DOCK4: variants seen among roughly 807,000 people sequenced by gnomAD.
DOCK4 encodes dedicator of cytokinesis 4, also known as dedicator of cytokinesis protein 4.
DOCK4 carries 97 observed loss-of-function variants against 268.1 expected under a neutral mutation model. That is an observed-to-expected ratio of 0.36 (90% CI 0.31 to 0.43). DOCK4 has a LOEUF of 0.43. Among genes scored for constraint, DOCK4 ranks in the 20% least tolerant of loss-of-function variants. The probability of loss-of-function intolerance (pLI) is 1.00; values close to 1 mark genes in which losing one functional copy is unlikely to be tolerated. For synonymous variants in DOCK4, 954 were observed against 887.2 expected, an observed-to-expected ratio of 1.08 and a Z score of -1.34; for missense variants, 2,145 against 2,455.7, an observed-to-expected ratio of 0.87 and a Z score of 2.67.
At chr7:112,102,407 T>C (rs1004696222) in intron 1 of DOCK4, among the ~76,000 whole-genome samples, 1 of 152,216 alleles carries the variant, frequency 6.6e-6, no homozygotes, top group African/African-American at 2.4e-5. Flanking sequence ...TTTCTAGTTG[T>C]GTGGCCTTGG....
Position 111,849,262 on chromosome 7 carries a change from CTT to C in DOCK4, c.2474-2138_2474-2137del, listed in dbSNP as rs200312873. On this transcript the variant is annotated intron_variant, in intron 23 of 52. Coordinates refer to ENST00000428084, the MANE Select transcript of DOCK4 (RefSeq NM_001363540.2). ...TGAACTATCTTTTTCTTCCTAGTTA[CTT>C]TTTTTTTTTTTTTTTTGAGACGGAG... Among the ~76,000 whole-genome samples, 87 of 133,324 alleles carry C rather than the reference CTT, an allele frequency of 6.5e-4. No homozygotes were observed. The East Asian group carries it at 8.8e-3, about 13-fold the overall frequency. The allele number at this position is 133,324 out of a possible 152,430, so 87.5% of individuals were successfully genotyped here.
At chr7:112,123,486 G>A (rs1204670933) in intron 1 of DOCK4, among the ~76,000 whole-genome samples, 2 of 152,094 alleles carry the variant, frequency 1.3e-5, no homozygotes, top group Non-Finnish European at 2.9e-5. Context: ...TTGACTCAAA[G>A]TCAAAATAAA....
At chr7:112,089,202 T>C (rs1006064921) in intron 1 of DOCK4, among the ~76,000 whole-genome samples, 3 of 152,178 alleles carry the variant, frequency 2.0e-5, no homozygotes, top group Admixed American at 2.0e-4. Flanking sequence ...TCATTTTTAT[T>C]GGCCAGGGAT....
chr7:112,057,766 C>A (rs552795959), intron 1 of DOCK4, among the ~76,000 whole-genome samples: 1 of 151,538 alleles, frequency 6.6e-6, no homozygotes, highest in East Asian at 1.9e-4. Flanking sequence ...CAGAGCAAGA[C>A]CCTGTCTTTA....
intron 1 of DOCK4, among the ~76,000 whole-genome samples, chr7:112,168,347 A>C (rs1164712652): frequency 6.6e-6 from 1 of 152,176 alleles, no homozygotes; most frequent in East Asian, 1.9e-4. Context: ...TGCTGTTTGG[A>C]GCTATGTAAA....
At chr7:111,995,269 G>A (rs1799846473) in intron 4 of DOCK4, among the ~76,000 whole-genome samples, 2 of 152,140 alleles carry the variant, frequency 1.3e-5, no homozygotes, top group South Asian at 4.2e-4. Context: ...CTGACCTTGT[G>A]ATCTGCCTGC....
At chr7:112,112,875 T>C (rs1811790356) in intron 1 of DOCK4, among the ~76,000 whole-genome samples, 1 of 152,130 alleles carries the variant, frequency 6.6e-6, no homozygotes, top group Non-Finnish European at 1.5e-5. Flanking sequence ...AAAAATTGCA[T>C]ATTCTATTCC....
rs1794824585 is a variant in DOCK4, at chr7:111,728,526, G to T, written c.5676C>A (p.Pro1892=). ...GCTCCTCCCCGCCGTAGCTCGGCAC[G>T]GGCACCGGCACTGGCACCGGCAGGG... ...SAPLPVPVPV[P]VPSYGGEEPV... Residue 1892 remains proline, a synonymous_variant, in exon 53 of 53, where the codon CCC becomes CCA. Coordinates refer to ENST00000428084, the MANE Select transcript of DOCK4 (RefSeq NM_001363540.2). 6.2e-7 allele frequency: 1 copy of T among 1,613,452 alleles called. No individual in the cohort carries two copies. Among genetic ancestry groups the T allele is most frequent in the Non-Finnish European group, 8.5e-7 (1 of 1,179,844 alleles).
At chr7:111,750,729 T>A (rs1406880823) in intron 42 of DOCK4, among the ~76,000 whole-genome samples, 1 of 152,218 alleles carries the variant, frequency 6.6e-6, no homozygotes, top group Non-Finnish European at 1.5e-5. Flanking sequence ...AGATCCTGTG[T>A]GTTAGCTCAG....
Position 111,961,155 on chromosome 7 carries a change from T to A in DOCK4, c.702-15357A>T, listed in dbSNP as rs148292805. Reference sequence around the variant, plus strand: ...CTCTGTCCTCTCTTTTGCTCTCCAATGGCAGCTGATCTTGTTTCCCCCTTT... The same window carrying A: ...CTCTGTCCTCTCTTTTGCTCTCCAAAGGCAGCTGATCTTGTTTCCCCCTTT... On this transcript the variant is annotated intron_variant, in intron 8 of 52. Transcript: ENST00000428084. Among the ~76,000 whole-genome samples, 22 of 152,288 alleles carry A rather than the reference T, an allele frequency of 1.4e-4. No homozygotes were observed. The East Asian group carries it at 3.5e-3, about 24-fold the overall frequency.
At chr7:111,738,737 A>T (rs779920177) in intron 49 of DOCK4, among the ~76,000 whole-genome samples, 1 of 152,180 alleles carries the variant, frequency 6.6e-6, no homozygotes, top group South Asian at 2.1e-4. Context: ...CAGGAGTTCG[A>T]GACCAGCCTG....
intron 1 of DOCK4, among the ~76,000 whole-genome samples, chr7:112,167,009 A>G (rs181204500): frequency 2.0e-5 from 3 of 152,226 alleles, no homozygotes; most frequent in Admixed American, 6.5e-5. Flanking sequence ...TAGTGAAGGA[A>G]AAGTAAGATA....
intron 36 of DOCK4, among the ~76,000 whole-genome samples, chr7:111,775,875 T>A (rs1798411126): frequency 6.6e-6 from 1 of 151,986 alleles, no homozygotes; most frequent in Admixed American, 6.6e-5. Context: ...GGATCAAGCC[T>A]TGGCTATATA....
At chr7:111,767,201 C>A in intron 37 of DOCK4, 83 bp from the exon 38 acceptor site, 63 of 963,958 alleles carry the variant, frequency 6.5e-5, no homozygotes, top group Middle Eastern at 2.2e-4. Flanking sequence ...TGAGTGCTTT[C>A]AGAGCACCAA....
At chr7:111,923,409 C>T (rs1394583146) in intron 12 of DOCK4, among the ~76,000 whole-genome samples, 1 of 152,190 alleles carries the variant, frequency 6.6e-6, no homozygotes, top group African/African-American at 2.4e-5. Flanking sequence ...ATTCTGACCT[C>T]TGTAACTGCT....
intron 15 of DOCK4, among the ~76,000 whole-genome samples, chr7:111,899,778 C>T (rs1031694784): frequency 6.6e-6 from 1 of 152,152 alleles, no homozygotes; most frequent in Non-Finnish European, 1.5e-5. Flanking sequence ...CAAAAATTAG[C>T]CAGGCGTGGT....
At chr7:111,840,602 C>G (rs1424225218) in intron 25 of DOCK4, among the ~76,000 whole-genome samples, 5 of 151,766 alleles carry the variant, frequency 3.3e-5, no homozygotes, top group Non-Finnish European at 7.4e-5. Flanking sequence ...AAAGTACAAT[C>G]CTTTTAAATT....
intron 24 of DOCK4, among the ~76,000 whole-genome samples, 189 bp from the exon 25 acceptor site, chr7:111,845,086 T>C (rs142311163): frequency 1.3e-5 from 2 of 152,220 alleles, no homozygotes; most frequent in Non-Finnish European, 2.9e-5. Flanking sequence ...AACTCAGTGG[T>C]GCAATGGATA....
chr7:111,930,416 T>C (rs1014909458), intron 12 of DOCK4, among the ~76,000 whole-genome samples: 1 of 152,130 alleles, frequency 6.6e-6, no homozygotes, highest in South Asian at 2.1e-4. Context: ...AGGACATCAA[T>C]GAAGCATAAA....
Sources: allele counts gnomAD v4.1 joint callset (sites outside exome capture counted in the v4.1 genomes callset), GRCh38; gene constraint gnomAD v4.1.1; transcripts MANE v1.5; gene names NCBI Gene and HGNC (gene_info 2026-07-23, HGNC 2026-07-21).